EDIL3: variants seen among roughly 807,000 people sequenced by gnomAD.
The protein encoded by EDIL3 is EGF-like repeat and discoidin I-like domain-containing protein 3.
Under a neutral mutation model 67.4 loss-of-function variants are expected in EDIL3, and 37 were observed. The ratio of observed to expected loss-of-function variants is 0.55; its 90% CI spans 0.42 to 0.72. The LOEUF (loss-of-function observed/expected upper bound fraction) is 0.72. EDIL3 is among the 30% of genes least tolerant of loss of function. EDIL3 has a pLI of 0.00. For missense variants in EDIL3, 527 were observed against 586.3 expected (o/e 0.90, Z 1.04); for synonymous variants, 195 against 196.3 (o/e 0.99, Z 0.05).
intron 1 of EDIL3, among the ~76,000 whole-genome samples, chr5:84,305,362 A>C (rs1430475734): frequency 6.6e-6 from 1 of 152,190 alleles, no homozygotes; most frequent in Non-Finnish European, 1.5e-5. Context: ...ACCATGTGTA[A>C]CATTTGTTCC....
intron 1 of EDIL3, among the ~76,000 whole-genome samples, chr5:84,326,424 T>C (rs1746757338): frequency 6.6e-6 from 1 of 152,060 alleles, no homozygotes; most frequent in East Asian, 1.9e-4. Context: ...ACAGTTCCCA[T>C]CATACAAGAA....
chr5:84,042,387 T>C (rs1269424000), intron 9 of EDIL3, among the ~76,000 whole-genome samples: 1 of 152,068 alleles, frequency 6.6e-6, no homozygotes, highest in African/African-American at 2.4e-5. Context: ...GTTCAAGTGA[T>C]TCTCCTGCCT....
At chr5:84,215,473 C>T (rs548920431) in intron 3 of EDIL3, among the ~76,000 whole-genome samples, 18 of 152,138 alleles carry the variant, frequency 1.2e-4, no homozygotes, top group African/African-American at 4.1e-4. Flanking sequence ...AGGATGGTCT[C>T]GATCTCCTGA....
At chr5:84,246,005 CAAT>C (rs1377342415) in intron 2 of EDIL3, among the ~76,000 whole-genome samples, 1 of 151,192 alleles carries the variant, frequency 6.6e-6, no homozygotes, top group African/African-American at 2.4e-5. Context: ...TTGCTAAAGC[CAAT>C]GTGATTAGGA....
intron 3 of EDIL3, among the ~76,000 whole-genome samples, chr5:84,218,812 G>C (rs1437317363): frequency 1.3e-5 from 2 of 152,194 alleles, no homozygotes; most frequent in Non-Finnish European, 2.9e-5. Context: ...GGTGGCCATG[G>C]GGAGAGAGTC....
intron 6 of EDIL3, among the ~76,000 whole-genome samples, chr5:84,077,605 G>A (rs1424207532): frequency 6.6e-6 from 1 of 151,998 alleles, no homozygotes; most frequent in East Asian, 1.9e-4. Context: ...CCACTATCAT[G>A]AGAACAGCAT....
chr5:84,176,483 G>A (rs1446661368), intron 4 of EDIL3, among the ~76,000 whole-genome samples: 2 of 151,074 alleles, frequency 1.3e-5, no homozygotes, highest in Non-Finnish European at 2.9e-5. Context: ...AAAGGCTCTG[G>A]AGCTGTGCAC....
intron 1 of EDIL3, among the ~76,000 whole-genome samples, chr5:84,279,494 G>C (rs886713333): frequency 6.6e-6 from 1 of 152,148 alleles, no homozygotes; most frequent in African/African-American, 2.4e-5. Context: ...ACCCAAAATA[G>C]CTGAAGCTTT....
chr5:84,037,810 G>C (rs1443213045), intron 9 of EDIL3, among the ~76,000 whole-genome samples: 1 of 151,888 alleles, frequency 6.6e-6, no homozygotes, highest in Non-Finnish European at 1.5e-5. Flanking sequence ...CCAAATAGTG[G>C]ATAGACTTTT....
intron 1 of EDIL3, among the ~76,000 whole-genome samples, chr5:84,355,063 T>C (rs1001540514): frequency 1.4e-4 from 22 of 152,192 alleles, no homozygotes; most frequent in African/African-American, 5.3e-4. Context: ...TCCTGGATAA[T>C]ATCCTGAAGT....
chr5:84,250,033 G>A (rs1400428582), intron 2 of EDIL3, among the ~76,000 whole-genome samples: 1 of 152,230 alleles, frequency 6.6e-6, no homozygotes, highest in Non-Finnish European at 1.5e-5. Flanking sequence ...ATCCAGGAAT[G>A]TGAGTGAGTA....
intron 9 of EDIL3, among the ~76,000 whole-genome samples, chr5:84,039,636 A>G (rs1448649117): frequency 6.6e-6 from 1 of 152,160 alleles, no homozygotes; most frequent in African/African-American, 2.4e-5. Flanking sequence ...AGGGAAATGA[A>G]AGCAAATGAG....
intron 1 of EDIL3, among the ~76,000 whole-genome samples, chr5:84,319,491 CAACAAAAAA>C (rs1746582841): frequency 2.5e-4 from 1 of 3,942 alleles, no homozygotes. Context: ...AAACAAAAAA[CAACAAAAAA>C]AAAAAAAAAA....
rs545847147 is a variant in EDIL3, at chr5:84,205,697, C to T, written c.226+24158G>A. ...TCTTCTAGATTTTCTAGTTTATTTG[C>T]GTAGAGGTGTTTGTAGTATTCTCTG... On this transcript the variant is annotated intron_variant, in intron 3 of 10. Coordinates refer to ENST00000296591, the MANE Select transcript of EDIL3 (RefSeq NM_005711.5). Among the ~76,000 whole-genome samples, 274 of 152,000 alleles carry T rather than the reference C, an allele frequency of 1.8e-3. 2 individuals carry two copies. Among genetic ancestry groups the T allele is most frequent in the African/African-American group, 6.2e-3 (257 of 41,444 alleles).
intron 1 of EDIL3, among the ~76,000 whole-genome samples, chr5:84,304,069 A>T (rs916590065): frequency 2.0e-5 from 3 of 152,160 alleles, no homozygotes; most frequent in Admixed American, 2.0e-4. Context: ...CAATTTATTT[A>T]AACAGTTTGT....
chr5:84,323,237 G>T (rs186018555), intron 1 of EDIL3, among the ~76,000 whole-genome samples: 2 of 151,790 alleles, frequency 1.3e-5, no homozygotes, highest in Admixed American at 6.6e-5. Context: ...GTATGTTTTG[G>T]GGCACACAAT....
Position 84,119,722 on chromosome 5 carries a change from G to C in EDIL3, c.470-12892C>G, listed in dbSNP as rs544207819. ...GAGTTTTTCCCCCACTTTAATATCT[G>C]AGTAATCTTATCTTTAGGATAAATG... is the stretch of plus-strand genomic sequence containing the variant. On this transcript the variant is annotated intron_variant, in intron 5 of 10. Coordinates refer to ENST00000296591, the MANE Select transcript of EDIL3 (RefSeq NM_005711.5). Among the ~76,000 whole-genome samples the C allele has an allele frequency of 4.6e-5, 7 of 151,926 alleles. 1 individual carries two copies. Among genetic ancestry groups the C allele is most frequent in the African/African-American group, 1.7e-4 (7 of 41,462 alleles).
At chr5:84,360,117 C>A (rs371838072) in intron 1 of EDIL3, among the ~76,000 whole-genome samples, 41 of 152,264 alleles carry the variant, frequency 2.7e-4, no homozygotes, top group African/African-American at 9.4e-4. Flanking sequence ...ACTGAAACTA[C>A]TACCGAGTGG....
At chr5:84,200,873 T>C (rs1183645288) in intron 3 of EDIL3, among the ~76,000 whole-genome samples, 1 of 152,032 alleles carries the variant, frequency 6.6e-6, no homozygotes, top group East Asian at 1.9e-4. Context: ...TTCAAGTCTA[T>C]ATGATTTACA....
Sources: allele counts gnomAD v4.1 joint callset (sites outside exome capture counted in the v4.1 genomes callset), GRCh38; gene constraint gnomAD v4.1.1; transcripts MANE v1.5; gene names NCBI Gene and HGNC (gene_info 2026-07-23, HGNC 2026-07-21).